Variants in LYRM4 observed in about 807,000 individuals in gnomAD.
LYRM4 encodes LYR motif containing 4.
A neutral mutation model predicts 11.7 loss-of-function variants in LYRM4; 9 were observed. That is an observed-to-expected ratio of 0.77 (90% confidence interval 0.46 to 1.34). The LOEUF (loss-of-function observed/expected upper bound fraction) is 1.34. LYRM4 is among the 40% of genes most tolerant of loss of function. The pLI, the probability that LYRM4 is intolerant of heterozygous loss-of-function variation, is 0.00. For missense variants in LYRM4, 133 were observed against 112.5 expected (o/e 1.18, Z -0.82); for synonymous variants, 42 against 40.4 (o/e 1.04, Z -0.15).
chr6:5,162,658 T>C (rs1758836833), intron 2 of LYRM4, among the ~76,000 whole-genome samples: 1 of 152,230 alleles, frequency 6.6e-6, no homozygotes, highest in Non-Finnish European at 1.5e-5. Context: ...CTTTAGATTC[T>C]GTATGTTTAT....
At chr6:5,230,477 C>G (rs1763172705) in intron 1 of LYRM4, among the ~76,000 whole-genome samples, 2 of 152,208 alleles carry the variant, frequency 1.3e-5, no homozygotes. Flanking sequence ...AAAGCCAGCT[C>G]AAGCTTCCAT....
the LYRM4 span, among the ~76,000 whole-genome samples, chr6:5,082,539 T>G: frequency 6.6e-5 from 10 of 152,124 alleles, no homozygotes; most frequent in Non-Finnish European, 1.5e-4. Flanking sequence ...ACATTGATTT[T>G]CACTCCTAAA....
At chr6:5,216,488 T>C (rs1581525914) in intron 2 of LYRM4, 130 bp downstream of exon 2, 2 of 1,046,328 alleles carry the variant, frequency 1.9e-6, no homozygotes, top group Admixed American at 2.1e-5. Flanking sequence ...TCTGTATTAG[T>C]ACAAGGAACA....
chr6:5,252,158 G>C (rs1051579457), intron 1 of LYRM4, among the ~76,000 whole-genome samples: 3 of 152,192 alleles, frequency 2.0e-5, no homozygotes, highest in Middle Eastern at 3.2e-3. Flanking sequence ...CTATAAGGAG[G>C]AACTGTGAAA....
At position 5,109,445 on chromosome 6, in the gene LYRM4, T is replaced by C. The variant is rs1335221020; in HGVS notation, c.254A>G (p.Asn85Ser). The C allele has an allele frequency of 6.2e-7, 1 of 1,614,110 alleles. No homozygotes were observed. Among genetic ancestry groups the C allele is most frequent in the Admixed American group, 1.7e-5 (1 of 60,026 alleles). Residue 85 changes from asparagine to serine, a missense_variant, in exon 3 of 3, where the codon AAT becomes AGT. By Grantham distance (46) the Asn-to-Ser change is conservative. Coordinates refer to ENST00000330636, the MANE Select transcript of LYRM4 (RefSeq NM_020408.6). ...LYSTDKLIIENRDMPRT is the reference protein window; with the variant it reads ...LYSTDKLIIESRDMPRT ...TTGCTAGGTCCTGGGCATGTCTCGA[T>C]TCTCAATGATCAGCTTGTCAGTTGA...
At chr6:5,241,106 C>T (rs775797348) in intron 1 of LYRM4, among the ~76,000 whole-genome samples, 15 of 152,054 alleles carry the variant, frequency 9.9e-5, no homozygotes, top group Non-Finnish European at 2.1e-4. Context: ...AAAGTGCCTG[C>T]TTAATAGAGT....
Position 5,108,899 on chromosome 6 carries a change from C to A in LYRM4, c.*524G>T. The A allele has an allele frequency of 6.0e-6, 6 of 992,418 alleles. No homozygotes were observed. The highest frequency in any genetic ancestry group is 7.2e-6 in the Non-Finnish European group (6 of 833,532). The allele number at this position is 992,418 out of a possible 1,614,324, so 61.5% of individuals were successfully genotyped here. On this transcript the variant is annotated 3_prime_UTR_variant, in exon 3 of 3. Transcript: ENST00000330636. ...TGCACCGTGTATCCCCGTAGCCCTG[C>A]CCTACTCCATGCTGCCCCCAGTCTC... is the stretch of plus-strand genomic sequence containing the variant.
Position 5,216,729 on chromosome 6 carries a change from A to G in LYRM4, c.96T>C (p.Ala32=). ...TGAAGGCATCTCTTATCCTCCTGACAGCATATGTTCTAAATGAATTCAGAG... is the reference window on the plus strand; with the variant it reads ...TGAAGGCATCTCTTATCCTCCTGACGGCATATGTTCTAAATGAATTCAGAG... ...RFSAYNYRTY[A]VRRIRDAFRE... Residue 32 remains alanine (A), a synonymous_variant, in exon 2 of 3, where the codon GCT becomes GCC. Transcript: ENST00000330636. The G allele has an allele frequency of 6.2e-7, 1 of 1,612,994 alleles. No homozygotes were observed. The highest frequency in any genetic ancestry group is 8.5e-7 in the Non-Finnish European group (1 of 1,179,944).
chr6:5,254,320 GCTTC>G (rs1190489918), intron 1 of LYRM4, among the ~76,000 whole-genome samples: 3 of 152,298 alleles, frequency 2.0e-5, no homozygotes, highest in African/African-American at 7.2e-5. Context: ...TAGGGAAAAC[GCTTC>G]CTTGACTAGC....
chr6:5,129,022 C>T (rs1763821088), intron 2 of LYRM4, among the ~76,000 whole-genome samples: 2 of 152,358 alleles, frequency 1.3e-5, no homozygotes, highest in South Asian at 4.1e-4. Context: ...GGACTTCTCT[C>T]CACGTGTGCA....
rs148961636 is a variant in LYRM4 at position 5,202,988 on chromosome 6, C to T, written c.207+13630G>A. 5.6e-3 allele frequency among the ~76,000 whole-genome samples: 848 copies of T among 152,178 alleles called. 1 individual carries two copies. Among genetic ancestry groups the T allele is most frequent in the African/African-American group, 6.1e-3 (253 of 41,526 alleles). ...ACAGCCCTAGTCTCCAAGGAGAGAA[C>T]GACATACAACACTAATAAACCAAAA... On this transcript the variant is annotated intron_variant, in intron 2 of 2. Transcript: ENST00000330636.
chr6:5,156,177 A>G (rs1758400862), intron 2 of LYRM4, among the ~76,000 whole-genome samples: 1 of 152,242 alleles, frequency 6.6e-6, no homozygotes, highest in Non-Finnish European at 1.5e-5. Context: ...ACTGTGTTCC[A>G]AAGATACAGC....
chr6:5,233,080 C>T (rs1415551084), intron 1 of LYRM4, among the ~76,000 whole-genome samples: 2 of 152,236 alleles, frequency 1.3e-5, no homozygotes, highest in Non-Finnish European at 2.9e-5. Context: ...AGCCCCATCC[C>T]CAGCATTCAG....
At chr6:5,184,514 T>G (rs971438756) in intron 2 of LYRM4, among the ~76,000 whole-genome samples, 1 of 152,192 alleles carries the variant, frequency 6.6e-6, no homozygotes, top group Admixed American at 6.5e-5. Context: ...AAACAAAAAG[T>G]CTTGCTTATA....
chr6:5,079,973 A>G, the LYRM4 span, among the ~76,000 whole-genome samples: 5 of 152,330 alleles, frequency 3.3e-5, no homozygotes, highest in Admixed American at 6.5e-5. Flanking sequence ...AATACTTCCA[A>G]TGTTTGCATA....
At chr6:5,219,220 A>G (rs1284534369) in intron 1 of LYRM4, among the ~76,000 whole-genome samples, 1 of 152,210 alleles carries the variant, frequency 6.6e-6, no homozygotes, top group African/African-American at 2.4e-5. Context: ...TCCAAAGTTT[A>G]AGGAAATGAG....
chr6:5,072,819 A>G, the LYRM4 span, among the ~76,000 whole-genome samples: 2 of 152,082 alleles, frequency 1.3e-5, no homozygotes, highest in Non-Finnish European at 2.9e-5. Flanking sequence ...ATTATAGGTG[A>G]TCAGGGAGGG....
At chr6:5,140,428 T>A (rs1429767947) in intron 2 of LYRM4, among the ~76,000 whole-genome samples, 2 of 152,196 alleles carry the variant, frequency 1.3e-5, no homozygotes, top group Non-Finnish European at 2.9e-5. Flanking sequence ...AAAATCTGTT[T>A]GGAGGAAGGA....
intron 1 of LYRM4, among the ~76,000 whole-genome samples, chr6:5,217,244 A>G (rs149249398): frequency 5.3e-5 from 8 of 152,318 alleles, no homozygotes; most frequent in African/African-American, 1.7e-4. Flanking sequence ...CTTGTCCCAT[A>G]TTCTGGCTCT....
Sources: gnomAD v4.1 joint callset for allele counts (sites outside exome capture counted in the v4.1 genomes callset) on GRCh38, gnomAD v4.1.1 for gene constraint, MANE v1.5 for transcripts, NCBI Gene and HGNC (gene_info 2026-07-23, HGNC 2026-07-21) for gene names.